Variants in PDGFD observed in about 807,000 individuals in gnomAD.
The protein encoded by PDGFD is platelet derived growth factor D, also known as platelet-derived growth factor D.
A neutral mutation model predicts 44.7 loss-of-function variants in PDGFD; 30 were observed. The observed-to-expected ratio is 0.67, with a 90% confidence interval of 0.50 to 0.91. PDGFD has a LOEUF of 0.91. Among genes scored for constraint, PDGFD ranks in the 40% least tolerant of loss-of-function variants. The pLI is 0.00. For missense variants in PDGFD, 445 were observed against 457.8 expected, an observed-to-expected ratio of 0.97 and a Z score of 0.25; for synonymous variants, 173 against 168.4, an observed-to-expected ratio of 1.03 and a Z score of -0.21.
chr11:104,156,316 C>G (rs1247350567), intron 1 of PDGFD, among the ~76,000 whole-genome samples: 1 of 152,006 alleles, frequency 6.6e-6, no homozygotes, highest in Admixed American at 6.6e-5. Flanking sequence ...GATTATGCCA[C>G]TGAACTCCAG....
At chr11:104,047,970 G>A (rs1043228805) in intron 1 of PDGFD, among the ~76,000 whole-genome samples, 1 of 152,056 alleles carries the variant, frequency 6.6e-6, no homozygotes, top group African/African-American at 2.4e-5. Context: ...CTTTGATAGT[G>A]ATGAAAAAGC....
At chr11:104,158,979 C>T (rs1862350217) in intron 1 of PDGFD, among the ~76,000 whole-genome samples, 1 of 151,600 alleles carries the variant, frequency 6.6e-6, no homozygotes, top group African/African-American at 2.4e-5. Context: ...ATGGTGAAAC[C>T]CCGTCTCCAC....
intron 6 of PDGFD, among the ~76,000 whole-genome samples, chr11:103,914,594 T>G (rs1858084514): frequency 6.6e-6 from 1 of 152,162 alleles, no homozygotes; most frequent in South Asian, 2.1e-4. Context: ...CTAACTCATT[T>G]TACGAGGCCA....
intron 3 of PDGFD, among the ~76,000 whole-genome samples, chr11:103,963,546 A>G (rs920132576): frequency 6.6e-6 from 1 of 152,136 alleles, no homozygotes. Flanking sequence ...CATCATCCCC[A>G]GCAAAGTATT....
At chr11:103,928,903 C>T (rs1258090513) in intron 5 of PDGFD, among the ~76,000 whole-genome samples, 2 of 152,184 alleles carry the variant, frequency 1.3e-5, no homozygotes, top group African/African-American at 4.8e-5. Flanking sequence ...GAGATAAATA[C>T]TGATGCTGGC....
intron 1 of PDGFD, among the ~76,000 whole-genome samples, chr11:104,079,190 G>A (rs1372206362): frequency 6.6e-6 from 1 of 152,082 alleles, no homozygotes; most frequent in Non-Finnish European, 1.5e-5. Context: ...TACCAAGGCA[G>A]GTAAAAAAAA....
chr11:103,977,295 C>T (rs1354671165), intron 3 of PDGFD, among the ~76,000 whole-genome samples: 1 of 152,098 alleles, frequency 6.6e-6, no homozygotes, highest in Admixed American at 6.6e-5. Context: ...CCTTCTGAAA[C>T]TATCCCAAAC....
intron 1 of PDGFD, among the ~76,000 whole-genome samples, chr11:104,061,559 G>A (rs1860717739): frequency 1.3e-5 from 2 of 152,248 alleles, no homozygotes; most frequent in South Asian, 4.1e-4. Context: ...ATGAAATACA[G>A]TGTGTGTATG....
chr11:104,012,913 T>C (rs543825765), intron 1 of PDGFD, among the ~76,000 whole-genome samples: 1 of 152,112 alleles, frequency 6.6e-6, no homozygotes, highest in Non-Finnish European at 1.5e-5. Context: ...GAAGAGCACG[T>C]TTCCCCTGCA....
chr11:104,079,474 G>A (rs764328706), intron 1 of PDGFD, among the ~76,000 whole-genome samples: 10 of 151,908 alleles, frequency 6.6e-5, no homozygotes, highest in Non-Finnish European at 1.3e-4. Context: ...TGCAACCTCC[G>A]GCTCCCGGGT....
chr11:104,152,210 TA>T (rs1383480227), intron 1 of PDGFD, among the ~76,000 whole-genome samples: 2 of 152,206 alleles, frequency 1.3e-5, no homozygotes, highest in Non-Finnish European at 2.9e-5. Flanking sequence ...CTTCCTGATG[TA>T]TTTAAATAAT....
At chr11:104,048,491 T>A (rs185483252) in intron 1 of PDGFD, among the ~76,000 whole-genome samples, 29 of 152,258 alleles carry the variant, frequency 1.9e-4, no homozygotes, top group African/African-American at 6.5e-4. Context: ...TCTCTCTCCA[T>A]GTGAATGAAA....
intron 1 of PDGFD, among the ~76,000 whole-genome samples, chr11:104,102,062 C>A (rs1472432387): frequency 2.0e-5 from 3 of 152,044 alleles, no homozygotes; most frequent in Admixed American, 1.3e-4. Flanking sequence ...GCAACAAAAG[C>A]CAAAATTGAC....
chr11:104,083,450 A>C (rs1281753345), intron 1 of PDGFD, among the ~76,000 whole-genome samples: 1 of 152,212 alleles, frequency 6.6e-6, no homozygotes. Flanking sequence ...GGAAGTCTTC[A>C]GTATTTTTTA....
At chr11:104,109,590 A>G (rs977740611) in intron 1 of PDGFD, among the ~76,000 whole-genome samples, 6 of 152,324 alleles carry the variant, frequency 3.9e-5, no homozygotes, top group African/African-American at 1.2e-4. Flanking sequence ...CACAAAGAAT[A>G]TACAAGAATA....
intron 3 of PDGFD, among the ~76,000 whole-genome samples, chr11:103,972,196 G>A (rs1040915288): frequency 6.6e-6 from 1 of 152,170 alleles, no homozygotes; most frequent in African/African-American, 2.4e-5. Flanking sequence ...ATAAGTATTT[G>A]CTAGAGTTGG....
intron 3 of PDGFD, among the ~76,000 whole-genome samples, chr11:103,991,389 T>C (rs1859449961): frequency 6.6e-6 from 1 of 152,162 alleles, no homozygotes; most frequent in African/African-American, 2.4e-5. Flanking sequence ...CATTTTTATG[T>C]AAAACCATTC....
intron 1 of PDGFD, among the ~76,000 whole-genome samples, chr11:104,044,308 C>A (rs1162713378): frequency 6.6e-6 from 1 of 152,070 alleles, no homozygotes. Flanking sequence ...GTGCTAGTAT[C>A]TTTAGAGCTA....
intron 1 of PDGFD, among the ~76,000 whole-genome samples, chr11:104,094,982 G>A (rs1861262919): frequency 6.6e-6 from 1 of 152,022 alleles, no homozygotes; most frequent in South Asian, 2.1e-4. Context: ...AATCACACTG[G>A]TCTCCTTCCA....
Sources: allele counts gnomAD v4.1 joint callset (sites outside exome capture counted in the v4.1 genomes callset), GRCh38; gene constraint gnomAD v4.1.1; transcripts MANE v1.5; gene names NCBI Gene and HGNC (gene_info 2026-07-23, HGNC 2026-07-21).